The following NREP variants were observed in gnomAD, a reference collection of about 807,000 sequenced individuals.
The protein encoded by NREP is neuronal regeneration-related protein.
A neutral mutation model predicts 8.6 loss-of-function variants in NREP; 5 were observed. The ratio of observed to expected loss-of-function variants is 0.58; its 90% CI spans 0.30 to 1.22. The LOEUF is 1.22. Ranked by LOEUF, NREP falls within the 50% of genes most tolerant of loss-of-function variation. The pLI, the probability that NREP is intolerant of heterozygous loss-of-function variation, is 0.07. For missense variants in NREP, 86 were observed against 82.5 expected (o/e 1.04, Z -0.17); for synonymous variants, 27 against 28.0 (o/e 0.96, Z 0.11).
rs1581203167 is a variant in NREP at position 111,900,662 on chromosome 5, G to A, written c.135+74612C>T. ...ACACTAACAAACTGAAAAACCTAGA[G>A]AAAATTGCTAAATTCCTGGGCATAC... On this transcript the variant is annotated intron_variant, in intron 2 of 3. Coordinates refer to the NREP transcript ENST00000395634. 2.6e-5 allele frequency among the ~76,000 whole-genome samples: 4 copies of A among 151,998 alleles called. No individual in the cohort carries two copies. In the East Asian group the frequency reaches 7.7e-4, roughly 29 times the overall value.
intron 2 of NREP, among the ~76,000 whole-genome samples, chr5:111,829,110 C>A (rs1336924198): frequency 5.3e-5 from 8 of 150,450 alleles, no homozygotes; most frequent in African/African-American, 9.8e-5. Flanking sequence ...AAAAAAAAAA[C>A]AAAAACATAT....
chr5:111,958,107 T>C (rs1230764319), intron 2 of NREP, among the ~76,000 whole-genome samples: 1 of 151,888 alleles, frequency 6.6e-6, no homozygotes, highest in African/African-American at 2.4e-5. Flanking sequence ...ATAAGAGACA[T>C]TATTTTTCAT....
At chr5:111,868,139 CTCATT>C (rs775385038) in intron 2 of NREP, among the ~76,000 whole-genome samples, 1 of 152,180 alleles carries the variant, frequency 6.6e-6, no homozygotes, top group Admixed American at 6.5e-5. Context: ...GCGTCTTTAT[CTCATT>C]TCATTATGGA....
intron 2 of NREP, among the ~76,000 whole-genome samples, chr5:111,971,989 T>C (rs1187708778): frequency 6.6e-6 from 1 of 152,110 alleles, no homozygotes; most frequent in Non-Finnish European, 1.5e-5. Flanking sequence ...TTGCAAACCA[T>C]ATATTTGATA....
chr5:111,890,777 A>G (rs555900791), intron 2 of NREP, among the ~76,000 whole-genome samples: 2 of 152,282 alleles, frequency 1.3e-5, no homozygotes, highest in South Asian at 4.1e-4. Context: ...AGTGTCTCAG[A>G]CTGGGTAAGG....
intron 2 of NREP, among the ~76,000 whole-genome samples, chr5:111,955,871 G>A (rs1047416626): frequency 2.7e-5 from 4 of 146,042 alleles, no homozygotes; most frequent in Non-Finnish European, 6.0e-5. Flanking sequence ...AGGGATGAGA[G>A]TTGGAACTAA....
At chr5:111,749,062 AAG>A (rs2112835189) in intron 2 of NREP, among the ~76,000 whole-genome samples, 1 of 152,246 alleles carries the variant, frequency 6.6e-6, no homozygotes, top group South Asian at 2.1e-4. Context: ...AAGGCACAGA[AAG>A]AGGGAATCCT....
intron 2 of NREP, among the ~76,000 whole-genome samples, chr5:111,829,767 A>G (rs966201855): frequency 2.0e-5 from 3 of 152,202 alleles, no homozygotes; most frequent in African/African-American, 7.2e-5. Flanking sequence ...GTTGGATGAC[A>G]GGAGATCTAG....
chr5:111,935,371 G>C (rs1215446035), intron 2 of NREP, among the ~76,000 whole-genome samples: 2 of 152,058 alleles, frequency 1.3e-5, no homozygotes, highest in East Asian at 3.9e-4. Flanking sequence ...GAAGGGCCAG[G>C]CACAAAGAAA....
chr5:111,850,766 C>T (rs1561693536), intron 2 of NREP, among the ~76,000 whole-genome samples: 1 of 152,128 alleles, frequency 6.6e-6, no homozygotes, highest in Non-Finnish European at 1.5e-5. Flanking sequence ...CGTAAAACAC[C>T]ACTTTTCTTT....
intron 2 of NREP, among the ~76,000 whole-genome samples, chr5:111,799,245 A>C (rs545356220): frequency 6.6e-6 from 1 of 152,256 alleles, no homozygotes; most frequent in African/African-American, 2.4e-5. Flanking sequence ...TGCTTTGACT[A>C]TGCAGGCTCT....
intron 2 of NREP, chr5:111,912,509 T>C (rs1185488227): frequency 6.6e-6 from 1 of 152,120 alleles, no homozygotes; most frequent in Non-Finnish European, 1.5e-5. Context: ...TTACTTCAAC[T>C]TTCCTAAAGG....
intron 2 of NREP, chr5:111,969,346 C>G (rs914212877): frequency 2.0e-5 from 3 of 152,204 alleles, no homozygotes; most frequent in African/African-American, 7.2e-5. Context: ...GGCAGGGAGA[C>G]AATGACATCA....
At chr5:111,947,045 G>A (rs1484758657) in intron 2 of NREP, among the ~76,000 whole-genome samples, 1 of 151,998 alleles carries the variant, frequency 6.6e-6, no homozygotes, top group Non-Finnish European at 1.5e-5. Flanking sequence ...ATGGCTATTT[G>A]TAAGATTCCA....
chr5:111,733,378 T>C (rs1313390593), intron 3 of NREP: 2 of 152,192 alleles, frequency 1.3e-5, no homozygotes, highest in African/African-American at 4.8e-5. Context: ...GAGCCCACCA[T>C]GCCCGTGGAG....
At chr5:111,845,535 C>G (rs1753141406) in intron 2 of NREP, among the ~76,000 whole-genome samples, 1 of 152,282 alleles carries the variant, frequency 6.6e-6, no homozygotes, top group East Asian at 1.9e-4. Context: ...CAATTATTAA[C>G]AGACATACCC....
chr5:111,936,385 C>T (rs569941392), intron 2 of NREP, among the ~76,000 whole-genome samples: 1 of 152,012 alleles, frequency 6.6e-6, no homozygotes, highest in South Asian at 2.1e-4. Context: ...GCCTTGCTTC[C>T]CCTTCACCTT....
chr5:111,938,044 C>T (rs2112610887), intron 2 of NREP, among the ~76,000 whole-genome samples: 1 of 152,172 alleles, frequency 6.6e-6, no homozygotes, highest in Non-Finnish European at 1.5e-5. Context: ...TGACTCCATT[C>T]TGGCTCAGCT....
In NREP at chr5:111,901,296, T is replaced by C. The variant is rs192844015; in HGVS notation, c.135+73978A>G. 2.1e-3 allele frequency among the ~76,000 whole-genome samples: 322 copies of C among 152,188 alleles called. 5 individuals are homozygous for C. Among genetic ancestry groups the C allele is most frequent in the Non-Finnish European group, 1.1e-3 (74 of 67,994 alleles). On this transcript the variant is annotated intron_variant, in intron 2 of 3. Transcript: ENST00000395634. ...GAAGAAAAAGTAATTGAATTCAACATCCCTTCATGATTAAAGCTCTCAACA... is the reference window on the plus strand; with the variant it reads ...GAAGAAAAAGTAATTGAATTCAACACCCCTTCATGATTAAAGCTCTCAACA...
Sources: gnomAD v4.1 joint callset for allele counts (sites outside exome capture counted in the v4.1 genomes callset) on GRCh38, gnomAD v4.1.1 for gene constraint, MANE v1.5 for transcripts, NCBI Gene and HGNC (gene_info 2026-07-23, HGNC 2026-07-21) for gene names.